The following PARD3 variants were observed in gnomAD, a reference collection of about 807,000 sequenced individuals.
The protein encoded by PARD3 is par-3 family cell polarity regulator, also known as partitioning defective 3 homolog.
A neutral mutation model predicts 155.4 loss-of-function variants in PARD3; 75 were observed. The ratio of observed to expected loss-of-function variants is 0.48; its 90% CI spans 0.40 to 0.58. The LOEUF (loss-of-function observed/expected upper bound fraction) is 0.58. Among genes scored for constraint, PARD3 ranks in the 20% least tolerant of loss-of-function variants. The pLI, the probability that PARD3 is intolerant of heterozygous loss-of-function variation, is 0.00. For synonymous variants in PARD3, 576 were observed against 610.5 expected (o/e 0.94, Z 0.83); for missense variants, 1,642 against 1,721.7 (o/e 0.95, Z 0.82).
At chr10:34,140,713 G>C (rs886533284) in intron 22 of PARD3, among the ~76,000 whole-genome samples, 1 of 152,168 alleles carries the variant, frequency 6.6e-6, no homozygotes, top group Non-Finnish European at 1.5e-5. Context: ...AGTTTTATCA[G>C]CAAGTATCTT....
chr10:34,479,106 C>A (rs1301498757), intron 3 of PARD3, among the ~76,000 whole-genome samples: 2 of 151,770 alleles, frequency 1.3e-5, no homozygotes, highest in Admixed American at 1.3e-4. Context: ...TGAAATGAAT[C>A]TCTCTGTATC....
chr10:34,213,950 C>A lies in PARD3; in HGVS notation c.3419+55707G>T, dbSNP rs1214779819. Among the ~76,000 whole-genome samples, 3 of 152,094 alleles carry A rather than the reference C, an allele frequency of 2.0e-5. No individual in the cohort carries two copies. In the South Asian group the frequency reaches 6.2e-4, roughly 32 times the overall value. On this transcript the variant is annotated intron_variant, in intron 22 of 24. Transcript: ENST00000374788. ...TGTTGCCCAGGCTAGAGTGCAGTTGCAGTGGTGTGATCATAGCTCACTGTA... is the reference window on the plus strand; with the variant it reads ...TGTTGCCCAGGCTAGAGTGCAGTTGAAGTGGTGTGATCATAGCTCACTGTA...
chr10:34,744,243 T>C (rs1835028589), intron 1 of PARD3, among the ~76,000 whole-genome samples: 2 of 152,242 alleles, frequency 1.3e-5, no homozygotes, highest in Non-Finnish European at 2.9e-5. Context: ...CATTAGCCAT[T>C]ATCCATGCAA....
At chr10:34,120,351 T>C (rs1254828543) in intron 23 of PARD3, among the ~76,000 whole-genome samples, 5 of 151,866 alleles carry the variant, frequency 3.3e-5, no homozygotes, top group Admixed American at 3.3e-4. Flanking sequence ...TAAGACACCA[T>C]TTACCTCTCT....
chr10:34,161,271 G>A (rs893960826), intron 22 of PARD3, among the ~76,000 whole-genome samples: 4 of 139,332 alleles, frequency 2.9e-5, no homozygotes, highest in East Asian at 2.2e-4. Flanking sequence ...GAAGAGAATC[G>A]AGTGAGAATT....
intron 1 of PARD3, among the ~76,000 whole-genome samples, chr10:34,725,552 C>T (rs894807279): frequency 1.3e-5 from 2 of 152,094 alleles, no homozygotes; most frequent in African/African-American, 2.4e-5. Flanking sequence ...CACAACAGTC[C>T]CTACTTCCTC....
intron 22 of PARD3, among the ~76,000 whole-genome samples, chr10:34,218,136 T>TG (rs1952098472): frequency 6.6e-6 from 1 of 152,202 alleles, no homozygotes; most frequent in South Asian, 2.1e-4. Flanking sequence ...ACCTGACTGT[T>TG]GGTCTTTTAA....
At chr10:34,142,295 C>G (rs1360182076) in intron 22 of PARD3, among the ~76,000 whole-genome samples, 1 of 152,010 alleles carries the variant, frequency 6.6e-6, no homozygotes, top group East Asian at 1.9e-4. Context: ...GTAATCCCAA[C>G]ACTTTGGGTG....
At chr10:34,494,963 C>T (rs2080172078) in intron 3 of PARD3, among the ~76,000 whole-genome samples, 1 of 152,112 alleles carries the variant, frequency 6.6e-6, no homozygotes, top group East Asian at 1.9e-4. Context: ...AGCTCATGCT[C>T]AGACATTCCA....
chr10:34,199,215 A>T (rs1951094229), intron 22 of PARD3, among the ~76,000 whole-genome samples: 1 of 152,146 alleles, frequency 6.6e-6, no homozygotes, highest in Non-Finnish European at 1.5e-5. Flanking sequence ...TATGCTCATA[A>T]AATGCAACCC....
At chr10:34,713,842 C>T (rs1342920761) in intron 1 of PARD3, among the ~76,000 whole-genome samples, 5 of 152,086 alleles carry the variant, frequency 3.3e-5, no homozygotes, top group Non-Finnish European at 7.4e-5. Context: ...AGGCAGAGAT[C>T]TCCTGCCTCT....
At chr10:34,618,469 G>C (rs1286744292) in intron 2 of PARD3, among the ~76,000 whole-genome samples, 1 of 151,962 alleles carries the variant, frequency 6.6e-6, no homozygotes, top group Non-Finnish European at 1.5e-5. Context: ...CCACAACAGT[G>C]GCAAAGTAAG....
At chr10:34,771,067 GGAA>G (rs1838800238) in intron 1 of PARD3, among the ~76,000 whole-genome samples, 1 of 152,152 alleles carries the variant, frequency 6.6e-6, no homozygotes, top group Non-Finnish European at 1.5e-5. Context: ...AAGGAGGGAA[GGAA>G]GAATACCAAC....
chr10:34,277,441 T>C (rs1369130139), intron 21 of PARD3, among the ~76,000 whole-genome samples: 2 of 152,176 alleles, frequency 1.3e-5, no homozygotes, highest in Non-Finnish European at 2.9e-5. Context: ...AAAAGAGAGA[T>C]ACTATTCCAC....
In PARD3 at chr10:34,517,061, C is replaced by G. The variant is rs1436731; in HGVS notation, c.321G>C (p.Glu107Asp). The part of the protein sequence containing the change: ...GTQSPEIFGS[E>D]LGTNNVSAFQ... ...AGGCTGAGACATTGTTGGTGCCAAG[C>G]TCACTACCAAATATCTCTGGGCTCT... Residue 107 changes from glutamate to aspartate, a missense_variant, in exon 3 of 25, where the codon GAG (glutamate) becomes GAC (aspartate). This residue lies in a region of PARD3 where 1,529 missense variants were observed against 1,587.3 expected (regional missense o/e 0.96). Coordinates refer to ENST00000374788, the MANE Select transcript of PARD3 (RefSeq NM_001184785.2). 3,429 of 1,614,184 alleles carry G rather than the reference C, an allele frequency of 2.1e-3. 54 individuals are homozygous for G. The African/African-American group carries it at 0.036, about 17-fold the overall frequency.
intron 1 of PARD3, among the ~76,000 whole-genome samples, chr10:34,749,680 T>C (rs1835746585): frequency 6.6e-6 from 1 of 152,086 alleles, no homozygotes; most frequent in African/African-American, 2.4e-5. Flanking sequence ...TATGGACTTC[T>C]TGGATAGTCA....
chr10:34,666,635 A>AG (rs986275915), intron 2 of PARD3, among the ~76,000 whole-genome samples: 2 of 151,750 alleles, frequency 1.3e-5, no homozygotes, highest in African/African-American at 4.8e-5. Context: ...AGAGAGGGAC[A>AG]GGGCAGGCAC....
chr10:34,267,062 A>G (rs577139563), intron 22 of PARD3, among the ~76,000 whole-genome samples: 1 of 152,044 alleles, frequency 6.6e-6, no homozygotes, highest in Non-Finnish European at 1.5e-5. Flanking sequence ...TTCAAAGTGG[A>G]TGTGGAAGGT....
rs952861995 is a variant in PARD3, at chr10:34,497,649, TGAG to T, written c.403+19327_403+19329del. On this transcript the variant is annotated intron_variant, in intron 3 of 24. Transcript: ENST00000374788. The stretch of plus-strand genomic sequence containing the variant: ...TGTGCTGACTTTATACAACATTCAT[TGAG>T]AAGAGGTATGGTTTTACTGAAAAGA... Among the ~76,000 whole-genome samples the T allele has an allele frequency of 9.8e-5, 15 of 152,300 alleles. 1 individual carries two copies. Among genetic ancestry groups the T allele is most frequent in the Admixed American group, 2.6e-4 (4 of 15,296 alleles).
Sources: gnomAD v4.1 joint callset for allele counts (sites outside exome capture counted in the v4.1 genomes callset) on GRCh38, gnomAD v4.1.1 for gene constraint, gnomAD v4.1.1 regional missense constraint, MANE v1.5 for transcripts, NCBI Gene and HGNC (gene_info 2026-07-23, HGNC 2026-07-21) for gene names.